PCMTD1: variants seen among roughly 807,000 people sequenced by gnomAD.
The protein encoded by PCMTD1 is protein-L-isoaspartate (D-aspartate) O-methyltransferase domain containing 1.
PCMTD1 carries 12 observed loss-of-function variants against 37.6 expected under a neutral mutation model. That is an observed-to-expected ratio of 0.32 (90% CI 0.20 to 0.52). The LOEUF is 0.52. Among genes scored for constraint, PCMTD1 ranks in the 20% least tolerant of loss-of-function variants. The pLI is 0.97. For missense variants in PCMTD1, 235 were observed against 421.3 expected (o/e 0.56, Z 3.87); for synonymous variants, 117 against 135.8 (o/e 0.86, Z 0.96).
chr8:51,844,406 C>A (rs2038189421), intron 3 of PCMTD1, among the ~76,000 whole-genome samples: 1 of 152,020 alleles, frequency 6.6e-6, no homozygotes, highest in Admixed American at 6.6e-5. Context: ...AAAAAAAAAC[C>A]TGAGCATTTC....
intron 3 of PCMTD1, among the ~76,000 whole-genome samples, chr8:51,837,581 T>C (rs2038086004): frequency 6.6e-6 from 1 of 152,144 alleles, no homozygotes; most frequent in African/African-American, 2.4e-5. Flanking sequence ...CTAGCCATAA[T>C]ACATGGAACT....
rs11438175 is a variant in PCMTD1 at position 51,887,745 on chromosome 8, C to CTTT, written c.-96+11182_-96+11184dup. Among the ~76,000 whole-genome samples, 22 of 136,280 alleles carry CTTT rather than the reference C, an allele frequency of 1.6e-4. 1 individual carries two copies. Among genetic ancestry groups the CTTT allele is most frequent in the Non-Finnish European group, 2.5e-4 (16 of 64,608 alleles). The allele number at this position is 136,280 out of a possible 152,430, so 89.4% of individuals were successfully genotyped here. ...TTTCACAAAAAAGTTTTCATAATTT[C>CTTT]TTTTTTTTTTTTTTTGAGACAGAGT... is the stretch of plus-strand genomic sequence containing the variant. On this transcript the variant is annotated intron_variant, in intron 1 of 5. Transcript: ENST00000522514.
intron 1 of PCMTD1, among the ~76,000 whole-genome samples, chr8:51,886,058 T>G (rs533145999): frequency 2.0e-5 from 3 of 152,352 alleles, no homozygotes; most frequent in Admixed American, 6.5e-5. Flanking sequence ...ACAAGGCTCT[T>G]TCCTCCAAAC....
rs865991214 is a variant in PCMTD1 at position 51,865,914 on chromosome 8, T to C, written c.-95-4668A>G. On this transcript the variant is annotated intron_variant, in intron 1 of 5. Transcript: ENST00000522514. ...ATAACATAATCTTATATGCAGAAAA[T>C]TGTAAAGACCCACCAAAAAACTATT... Among the ~76,000 whole-genome samples, 31 of 151,346 alleles carry C rather than the reference T, an allele frequency of 2.0e-4. 1 individual carries two copies. Among genetic ancestry groups the C allele is most frequent in the South Asian group, 1.0e-3 (5 of 4,804 alleles).
chr8:51,875,992 G>A (rs142463846), intron 1 of PCMTD1, among the ~76,000 whole-genome samples: 251 of 152,224 alleles, frequency 1.6e-3, no homozygotes, highest in African/African-American at 5.4e-3. Flanking sequence ...GTGCGTGCAC[G>A]CATGCGTGTG....
At chr8:51,884,795 T>C (rs758753315) in intron 1 of PCMTD1, among the ~76,000 whole-genome samples, 3 of 152,198 alleles carry the variant, frequency 2.0e-5, no homozygotes, top group Non-Finnish European at 4.4e-5. Context: ...TCCTAGAGGA[T>C]AGATTTCTGG....
intron 1 of PCMTD1, among the ~76,000 whole-genome samples, chr8:51,876,166 T>C (rs1464452889): frequency 1.3e-5 from 2 of 152,226 alleles, no homozygotes; most frequent in African/African-American, 4.8e-5. Context: ...ATTAGTCAAG[T>C]TGATAAAACC....
At chr8:51,886,687 A>T (rs1202228255) in intron 1 of PCMTD1, among the ~76,000 whole-genome samples, 1 of 152,152 alleles carries the variant, frequency 6.6e-6, no homozygotes, top group African/African-American at 2.4e-5. Flanking sequence ...TGTTGGGGAG[A>T]GGCTGTTTAG....
At chr8:51,842,010 G>A (rs1054821754) in intron 3 of PCMTD1, among the ~76,000 whole-genome samples, 5 of 145,764 alleles carry the variant, frequency 3.4e-5, no homozygotes, top group Non-Finnish European at 7.7e-5. Context: ...AGCTTAGCAA[G>A]CCTAAAAGAT....
intron 1 of PCMTD1, among the ~76,000 whole-genome samples, chr8:51,875,940 T>TTG (rs71237255): frequency 4.1e-4 from 62 of 151,336 alleles, no homozygotes; most frequent in African/African-American, 1.0e-3. Context: ...AAAAATGTGT[T>TTG]TGTGTGTGTG....
rs181084766 is a variant in PCMTD1, at chr8:51,850,265, G to A, written c.308-4502C>T. On this transcript the variant is annotated intron_variant, in intron 2 of 5. Coordinates refer to ENST00000522514, the MANE Select transcript of PCMTD1 (RefSeq NM_052937.4). ...AAACTTTGCACACTATAATGTAATC[G>A]ACAAACTGTTGTTAAAAAATTATGA... is the stretch of plus-strand genomic sequence containing the variant. 4.6e-5 allele frequency among the ~76,000 whole-genome samples: 7 copies of A among 152,174 alleles called. No homozygotes were observed. The East Asian group carries it at 5.8e-4, about 13-fold the overall frequency.
intron 5 of PCMTD1, among the ~76,000 whole-genome samples, chr8:51,822,559 T>C (rs2037864035): frequency 6.6e-6 from 1 of 152,200 alleles, no homozygotes; most frequent in African/African-American, 2.4e-5. Context: ...TAATAATAAC[T>C]ACAATGTTAT....
chr8:51,864,183 T>TA (rs2038516631), intron 1 of PCMTD1, among the ~76,000 whole-genome samples: 1 of 152,182 alleles, frequency 6.6e-6, no homozygotes, highest in Admixed American at 6.5e-5. Context: ...AGAAGGCCAT[T>TA]ATTTTATGTC....
intron 1 of PCMTD1, among the ~76,000 whole-genome samples, chr8:51,862,351 T>TACAC (rs375960391): frequency 0.55 from 78,170 of 141,338 alleles, 24,375 homozygotes; most frequent in Non-Finnish European, 0.7. Context: ...ACATGTTTTA[T>TACAC]ACACATACAC....
chr8:51,868,483 T>G (rs970129292), intron 1 of PCMTD1, among the ~76,000 whole-genome samples: 4 of 152,170 alleles, frequency 2.6e-5, no homozygotes, highest in Admixed American at 6.6e-5. Flanking sequence ...TGCTATGCTT[T>G]GGCATCAAGG....
intron 5 of PCMTD1, among the ~76,000 whole-genome samples, chr8:51,827,886 G>A (rs963633391): frequency 2.0e-5 from 3 of 152,042 alleles, no homozygotes; most frequent in Non-Finnish European, 4.4e-5. Context: ...AGTTACAAAT[G>A]TCATTCAATC....
chr8:51,888,721 G>A (rs1260163328), intron 1 of PCMTD1, among the ~76,000 whole-genome samples: 1 of 152,128 alleles, frequency 6.6e-6, no homozygotes, highest in Non-Finnish European at 1.5e-5. Context: ...TAATGTTACT[G>A]GTAACTGAAA....
chr8:51,862,946 G>A (rs562727055), intron 1 of PCMTD1, among the ~76,000 whole-genome samples: 3 of 152,192 alleles, frequency 2.0e-5, no homozygotes, highest in Middle Eastern at 3.4e-3. Context: ...CAGTGCAATA[G>A]GAGATGCCAA....
intron 1 of PCMTD1, among the ~76,000 whole-genome samples, chr8:51,886,036 GTTTC>G (rs1317951184): frequency 2.6e-5 from 4 of 152,208 alleles, no homozygotes; most frequent in African/African-American, 9.6e-5. Context: ...ACTATGTACA[GTTTC>G]TTAAAGCACA....
Sources: gnomAD v4.1 joint callset for allele counts (sites outside exome capture counted in the v4.1 genomes callset) on GRCh38, gnomAD v4.1.1 for gene constraint, MANE v1.5 for transcripts, NCBI Gene and HGNC (gene_info 2026-07-23, HGNC 2026-07-21) for gene names.